The following DNAH2 variants were observed in gnomAD, a reference collection of about 807,000 sequenced individuals.
DNAH2 encodes the protein axonemal beta dynein heavy chain 2.
A neutral mutation model predicts 523.5 loss-of-function variants in DNAH2; 323 were observed. The ratio of observed to expected loss-of-function variants is 0.62; its 90% CI spans 0.56 to 0.68. The LOEUF is 0.68. DNAH2 is among the 30% of genes least tolerant of loss of function. The probability of loss-of-function intolerance (pLI) is 0.00; values close to 1 mark genes in which losing one functional copy is unlikely to be tolerated. For missense variants in DNAH2, 4,907 were observed against 5,701.5 expected (o/e 0.86, Z 4.49); for synonymous variants, 2,093 against 2,177.4 (o/e 0.96, Z 1.08).
intron 11 of DNAH2, among the ~76,000 whole-genome samples, chr17:7,741,520 G>A (rs2075351374): frequency 6.6e-6 from 1 of 151,390 alleles, no homozygotes; most frequent in East Asian, 1.9e-4. Context: ...ACCGCACCCA[G>A]CTAATTTTTT....
chr17:7,720,233 C>G (rs1396180368), intron 2 of DNAH2, among the ~76,000 whole-genome samples: 1 of 152,204 alleles, frequency 6.6e-6, no homozygotes, highest in East Asian at 1.9e-4. Flanking sequence ...TTGATCTCTT[C>G]CTTTTTCCCA....
intron 20 of DNAH2, 89 bp downstream of exon 20, chr17:7,764,362 G>T (rs1044744718): frequency 2.0e-6 from 3 of 1,477,742 alleles, no homozygotes; most frequent in Middle Eastern, 1.8e-4. Context: ...GGAGAGTAGA[G>T]AAGTGACAGC....
At chr17:7,735,776 A>G (rs980167770) in intron 7 of DNAH2, among the ~76,000 whole-genome samples, 4 of 150,480 alleles carry the variant, frequency 2.7e-5, no homozygotes, top group South Asian at 4.2e-4. Context: ...ATTTTGAGAC[A>G]GAGTCTTGCT....
chr17:7,754,349 C>T lies in DNAH2; in HGVS notation c.1905-2742C>T, dbSNP rs1010126537. ...GTTATACTAGAATAGGCAGCCCAGG[C>T]TTCCGGTTCTAGGTGCTTCAGGAGC... is the stretch of plus-strand genomic sequence containing the variant. On this transcript the variant is annotated intron_variant, in intron 12 of 85. Transcript: ENST00000572933. The surrounding 1 kb of genome is among the most constrained non-coding windows in gnomAD (Gnocchi z 4.6). The T allele has an allele frequency of 8.9e-6, 4 of 450,070 alleles. No individual in the cohort carries two copies. Among genetic ancestry groups the T allele is most frequent in the Non-Finnish European group, 1.6e-5 (4 of 254,330 alleles). The allele number at this position is 450,070 out of a possible 1,614,324, so 27.9% of individuals were successfully genotyped here.
Position 7,801,596 on chromosome 17 carries a change from C to T in DNAH2, c.8718C>T (p.Tyr2906=), listed in dbSNP as rs1175321731. 1 of 1,614,194 alleles carries T rather than the reference C, an allele frequency of 6.2e-7. No homozygotes were observed. ...GDPFRNWIRQ[Y]PALVNCTTIN... The stretch of plus-strand genomic sequence containing the variant: ...TTCCCAGGAACTGGATCCGCCAGTA[C>T]CCAGCCTTGGTGAACTGCACAACCA... Residue 2906 remains tyrosine (Y), a synonymous_variant, in exon 57 of 86, where the codon TAC becomes TAT. Transcript: ENST00000572933.
At chr17:7,761,016 G>A (rs1330530603) in intron 18 of DNAH2, 84 bp downstream of exon 18, 5 of 1,526,140 alleles carry the variant, frequency 3.3e-6, no homozygotes, top group South Asian at 1.2e-5. Context: ...CTTGGGAAGT[G>A]GGTAGGGGAG....
intron 18 of DNAH2, among the ~76,000 whole-genome samples, chr17:7,762,664 TG>T (rs35013176): frequency 0.056 from 8,526 of 151,974 alleles, 388 homozygotes; most frequent in Admixed American, 0.12. Flanking sequence ...CAGGCAGAGA[TG>T]GGCAGTGGGG....
Position 7,831,650 on chromosome 17 carries a change from A to G in DNAH2, c.12612-11A>G, listed in dbSNP as rs372536421. The G allele has an allele frequency of 6.2e-7, 1 of 1,613,862 alleles. No homozygotes were observed. The highest frequency in any genetic ancestry group is 1.7e-5 in the Admixed American group (1 of 60,004). ...CACCTCATCTCTAACACTCCACCTC[A>G]TCCTGCTCAGGTTCTCACTGACAGA... On this transcript the variant is annotated splice_polypyrimidine_tract_variant and intron_variant, in intron 81 of 85. Coordinates refer to ENST00000572933, the MANE Select transcript of DNAH2 (RefSeq NM_020877.5). This position sits in a 1 kb window ranked among gnomAD's most constrained non-coding sequence, Gnocchi z 4.2.
intron 8 of DNAH2, chr17:7,738,957 G>C (rs1483836170): frequency 1.4e-6 from 1 of 702,692 alleles, no homozygotes; most frequent in Non-Finnish European, 2.6e-6. Flanking sequence ...TCCTAGATCA[G>C]ACCAGCATCT....
At chr17:7,803,875 T>C (rs535214547) in intron 58 of DNAH2, among the ~76,000 whole-genome samples, 5 of 151,968 alleles carry the variant, frequency 3.3e-5, no homozygotes, top group African/African-American at 7.2e-5. Context: ...TTCATTCCCA[T>C]AGGGAAAAAA....
At chr17:7,789,345 C>T (rs1224274435) in intron 44 of DNAH2, among the ~76,000 whole-genome samples, 1 of 152,114 alleles carries the variant, frequency 6.6e-6, no homozygotes, top group Non-Finnish European at 1.5e-5. Context: ...ACACAGGAGT[C>T]AGGCCTGGCA....
chr17:7,778,619 A>T, intron 35 of DNAH2, 150 bp downstream of exon 35: 1 of 816,256 alleles, frequency 1.2e-6, no homozygotes, highest in Non-Finnish European at 1.7e-6. Context: ...TATTTTTTGG[A>T]GTGCAGTGGC....
At chr17:7,810,432 A>T (rs992947761) in intron 63 of DNAH2, among the ~76,000 whole-genome samples, 3 of 152,106 alleles carry the variant, frequency 2.0e-5, no homozygotes, top group African/African-American at 7.2e-5. Flanking sequence ...TCTATCACCC[A>T]GGCTGGAGCA....
chr17:7,749,957 A>G (rs974101455), intron 12 of DNAH2, among the ~76,000 whole-genome samples: 3 of 152,202 alleles, frequency 2.0e-5, no homozygotes, highest in African/African-American at 7.2e-5. Flanking sequence ...AGATCACGCC[A>G]TTGCACTGCA....
Position 7,817,975 on chromosome 17 carries a change from C to T in DNAH2, c.10266C>T (p.Ser3422=), listed in dbSNP as rs758954770. 16 of 1,613,942 alleles carry T rather than the reference C, an allele frequency of 9.9e-6. No homozygotes were observed. Among genetic ancestry groups the T allele is most frequent in the South Asian group, 3.3e-5 (3 of 91,080 alleles). ...TGAAGATCATCGACCTGCAGATGAG[C>T]GATTACCTGCGAATCCTAGAACACG... is the stretch of plus-strand genomic sequence containing the variant. The part of the protein sequence containing the change: ...QGLKIIDLQM[S]DYLRILEHAI... The change falls in exon 68 of 86, where the codon AGC becomes AGT. Residue 3422 remains serine (S), a synonymous_variant. Coordinates refer to ENST00000572933, the MANE Select transcript of DNAH2 (RefSeq NM_020877.5).
chr17:7,787,652 C>T (rs1396502793), intron 42 of DNAH2: 1 of 538,038 alleles, frequency 1.9e-6, no homozygotes, highest in Non-Finnish European at 3.2e-6. Flanking sequence ...GGGAGGATTG[C>T]TTGAACCTGA....
chr17:7,824,228 G>A lies in DNAH2; in HGVS notation c.11586G>A (p.Gln3862=), dbSNP rs1429010448. 1 of 1,606,026 alleles carries A rather than the reference G, an allele frequency of 6.2e-7. No individual in the cohort carries two copies. The highest frequency in any genetic ancestry group is 8.5e-7 in the Non-Finnish European group (1 of 1,177,204). The change falls in exon 76 of 86, where the codon CAG becomes CAA. Residue 3862 remains glutamine, a synonymous_variant. Coordinates refer to ENST00000572933, the MANE Select transcript of DNAH2 (RefSeq NM_020877.5). ...TGGCAGAGCACATGGGCATGGCCCA[G>A]CGCTTCCACGCCCTGTCCCTGGGCC... ...LQLAEHMGMA[Q]RFHALSLGQG... is the part of the protein sequence containing the mutation.
intron 3 of DNAH2, among the ~76,000 whole-genome samples, chr17:7,724,742 C>CTTTTTT (rs57294591): frequency 0.034 from 4,424 of 130,372 alleles, 353 homozygotes; most frequent in East Asian, 0.2. Context: ...TCATATGTTA[C>CTTTTTT]TTTTTTTTTT....
intron 44 of DNAH2, among the ~76,000 whole-genome samples, chr17:7,788,851 A>G (rs2076817973): frequency 6.6e-6 from 1 of 152,222 alleles, no homozygotes; most frequent in African/African-American, 2.4e-5. Flanking sequence ...CATTCCTGGT[A>G]CAGTTAATGT....
Sources: gnomAD v4.1 joint callset for allele counts (sites outside exome capture counted in the v4.1 genomes callset) on GRCh38, gnomAD v4.1.1 for gene constraint, Gnocchi (gnomAD v3.1) non-coding constraint, MANE v1.5 for transcripts, NCBI Gene and HGNC (gene_info 2026-07-23, HGNC 2026-07-21) for gene names.